Variants in ITGA11 observed in about 807,000 individuals in gnomAD.
ITGA11 encodes the protein integrin subunit alpha 11, also known as integrin alpha-11.
A neutral mutation model predicts 141.9 loss-of-function variants in ITGA11; 97 were observed. The ratio of observed to expected loss-of-function variants is 0.68; its 90% confidence interval spans 0.58 to 0.81. The LOEUF (loss-of-function observed/expected upper bound fraction) is 0.81, where lower values mean the gene tolerates loss of function less well. Among genes scored for constraint, ITGA11 ranks in the 30% least tolerant of loss-of-function variants. The pLI, the probability that ITGA11 is intolerant of heterozygous loss-of-function variation, is 0.00. For missense variants in ITGA11, 1,387 were observed against 1,559.2 expected, an observed-to-expected ratio of 0.89 and a Z score of 1.86; for synonymous variants, 658 against 624.6, an observed-to-expected ratio of 1.05 and a Z score of -0.80.
At chr15:68,337,416 C>T (rs1300169528) in intron 11 of ITGA11, among the ~76,000 whole-genome samples, 1 of 152,174 alleles carries the variant, frequency 6.6e-6, no homozygotes, top group Non-Finnish European at 1.5e-5. Flanking sequence ...GGTCTCCTTC[C>T]CCTGTAGGGC....
chr15:68,387,402 C>G (rs1395396264), intron 2 of ITGA11, among the ~76,000 whole-genome samples: 2 of 152,112 alleles, frequency 1.3e-5, no homozygotes, highest in African/African-American at 4.8e-5. Flanking sequence ...CCCAGACCAG[C>G]AGCACCAGCA....
intron 10 of ITGA11, among the ~76,000 whole-genome samples, chr15:68,342,448 G>T (rs1894600278): frequency 6.6e-6 from 1 of 152,214 alleles, no homozygotes; most frequent in Non-Finnish European, 1.5e-5. Flanking sequence ...GAAGGTCTGA[G>T]GCCACGCTGT....
In ITGA11 at chr15:68,326,681, G is replaced by A; in HGVS notation, c.2184C>T (p.Leu728=). The A allele has an allele frequency of 1.3e-6, 2 of 1,591,758 alleles. No individual in the cohort carries two copies. Among genetic ancestry groups the A allele is most frequent in the Non-Finnish European group, 1.7e-6 (2 of 1,169,412 alleles). Reference sequence around the variant, plus strand: ...GGACATGGAAGTTGATCCGCTCACAGAGCTCCTGGCCGGAGGAGAGCAGTA... The same window carrying A: ...GGACATGGAAGTTGATCCGCTCACAAAGCTCCTGGCCGGAGGAGAGCAGTA... The part of the protein sequence containing the change: ...RAVLLSSGQE[L]CERINFHVLD... The change falls in exon 17 of 30, where the codon CTC becomes CTT. Residue 728 remains leucine (L), a synonymous_variant. Coordinates refer to ENST00000315757, the MANE Select transcript of ITGA11 (RefSeq NM_001004439.2). The surrounding 1 kb of genome is among the most constrained non-coding windows in gnomAD (Gnocchi z 6.8).
At chr15:68,353,157 C>T (rs1421312274) in intron 7 of ITGA11, among the ~76,000 whole-genome samples, 3 of 152,218 alleles carry the variant, frequency 2.0e-5, no homozygotes, top group African/African-American at 7.2e-5. Context: ...CGCTGAGGAA[C>T]TGATGCATAC....
chr15:68,364,652 T>G, intron 4 of ITGA11, 55 bp downstream of exon 4: 579 of 654,520 alleles, frequency 8.8e-4, no homozygotes, highest in Non-Finnish European at 1.5e-3. Flanking sequence ...GCTCCACCCC[T>G]CCCCACCCCC....
chr15:68,359,867 T>C (rs1289848522), intron 5 of ITGA11, among the ~76,000 whole-genome samples: 1 of 152,232 alleles, frequency 6.6e-6, no homozygotes, highest in African/African-American at 2.4e-5. Context: ...TATTGGTGAC[T>C]TTTTATGCTG....
At chr15:68,418,644 C>A (rs1896947110) in intron 1 of ITGA11, among the ~76,000 whole-genome samples, 2 of 129,538 alleles carry the variant, frequency 1.5e-5, no homozygotes, top group South Asian at 5.1e-4. Context: ...TGATGTAAAT[C>A]ATGTAGCGCA....
intron 10 of ITGA11, among the ~76,000 whole-genome samples, chr15:68,347,579 GCATGTCACGCACATGTCCCCCTCCCCTC>G (rs1894778190): frequency 6.6e-6 from 1 of 152,148 alleles, no homozygotes; most frequent in Non-Finnish European, 1.5e-5. Context: ...TCTGCCGGCT[GCATGTCACGCACATGTCCCCCTCCCCTC>G]CAGTTTGGAA....
At chr15:68,374,856 C>G (rs988074937) in intron 2 of ITGA11, among the ~76,000 whole-genome samples, 3 of 152,226 alleles carry the variant, frequency 2.0e-5, no homozygotes, top group African/African-American at 7.2e-5. Context: ...CCCGGGAAAT[C>G]CAATTATCAT....
intron 2 of ITGA11, 74 bp from the exon 3 acceptor site, chr15:68,369,358 GCAGTGTGGA>G: frequency 1.7e-6 from 1 of 596,138 alleles, no homozygotes; most frequent in Non-Finnish European, 3.0e-6. Context: ...AGCCTGGTGG[GCAGTGTGGA>G]GGTGAAGTTG....
chr15:68,371,565 A>T (rs940887104), intron 2 of ITGA11, among the ~76,000 whole-genome samples: 1 of 152,044 alleles, frequency 6.6e-6, no homozygotes, highest in Non-Finnish European at 1.5e-5. Context: ...AAATACAAAA[A>T]AAAGTAGCTG....
At chr15:68,348,926 C>G (rs1053073783) in intron 9 of ITGA11, 26 bp from the exon 10 acceptor site, 12 of 1,581,024 alleles carry the variant, frequency 7.6e-6, no homozygotes, top group Non-Finnish European at 8.6e-6. Context: ...AGAGAGATGT[C>G]AGCTCCATGC....
chr15:68,369,209 G>T lies in ITGA11; in HGVS notation c.240C>A (p.His80Gln), dbSNP rs773319350. ...TGDVYKCPVI[H>Q]GNCTKLNLGR... ...CCAGGTTGAGTTTGGTGCAGTTCCC[G>T]TGGATCACTGGACACTTGTACACGT... is the stretch of plus-strand genomic sequence containing the variant. The change falls in exon 3 of 30, where the codon CAC becomes CAA. Residue 80 changes from histidine to glutamine, a missense_variant. His to Gln is a conservative substitution (Grantham distance 24, BLOSUM62 0). Transcript: ENST00000315757. 2 of 1,613,746 alleles carry T rather than the reference G, an allele frequency of 1.2e-6. No homozygotes were observed. The highest frequency in any genetic ancestry group is 2.7e-5 in the African/African-American group (2 of 74,904).
At chr15:68,376,239 C>T (rs28723505) in intron 2 of ITGA11, among the ~76,000 whole-genome samples, 117,806 of 149,874 alleles carry the variant, frequency 0.79, 46,527 homozygotes, top group East Asian at 0.9. Context: ...TTTTTTTTTT[C>T]ACCTGGGCTG....
chr15:68,317,767 A>G (rs1893643681), intron 20 of ITGA11, among the ~76,000 whole-genome samples: 1 of 152,200 alleles, frequency 6.6e-6, no homozygotes, highest in Non-Finnish European at 1.5e-5. Flanking sequence ...CGTATGTGGC[A>G]GCTACAGTTA....
intron 16 of ITGA11, among the ~76,000 whole-genome samples, chr15:68,327,554 C>T (rs1183951412): frequency 6.6e-6 from 1 of 152,196 alleles, no homozygotes. Flanking sequence ...TCCTGGAACC[C>T]GCAGCTCACT....
chr15:68,331,286 C>G (rs1450567376), intron 14 of ITGA11, among the ~76,000 whole-genome samples, 175 bp from the exon 15 acceptor site: 1 of 152,092 alleles, frequency 6.6e-6, no homozygotes, highest in African/African-American at 2.4e-5. Context: ...GAAATTCCTA[C>G]CATTCAAGTC....
Position 68,388,322 on chromosome 15 carries a change from T to C in ITGA11, c.164+14596A>G, listed in dbSNP as rs1896033887. On this transcript the variant is annotated intron_variant, in intron 2 of 29. Transcript: ENST00000315757. ...ACTTGTCATTCCTTCTGCCTGGAAT[T>C]CCTTCTCAGATAACCATGATTCTCT... Among the ~76,000 whole-genome samples, 3 of 152,206 alleles carry C rather than the reference T, an allele frequency of 2.0e-5. No homozygotes were observed. The South Asian group carries it at 6.2e-4, about 32-fold the overall frequency.
At chr15:68,371,180 G>T (rs1895577844) in intron 2 of ITGA11, among the ~76,000 whole-genome samples, 2 of 152,102 alleles carry the variant, frequency 1.3e-5, no homozygotes, top group South Asian at 4.1e-4. Context: ...TGATTGTGTG[G>T]TCAAGGCTGC....
Sources: allele counts gnomAD v4.1 joint callset (sites outside exome capture counted in the v4.1 genomes callset), GRCh38; gene constraint gnomAD v4.1.1; non-coding constraint Gnocchi (gnomAD v3.1); transcripts MANE v1.5; gene names NCBI Gene and HGNC (gene_info 2026-07-23, HGNC 2026-07-21).